The following LIPC variants were observed in gnomAD, a reference collection of about 807,000 sequenced individuals.
LIPC encodes the protein hepatic triacylglycerol lipase.
Under a neutral mutation model 50.7 loss-of-function variants are expected in LIPC, and 44 were observed. That is an observed-to-expected ratio of 0.87 (90% CI 0.68 to 1.11). LIPC has a LOEUF of 1.11. Among genes scored for constraint, LIPC ranks in the 50% most tolerant of loss-of-function variants. The pLI is 0.00. For synonymous variants in LIPC, 271 were observed against 256.4 expected (o/e 1.06, Z -0.54); for missense variants, 697 against 648.2 (o/e 1.08, Z -0.82).
At chr15:58,482,206 C>A (rs1269218191) in intron 1 of LIPC, among the ~76,000 whole-genome samples, 1 of 152,204 alleles carries the variant, frequency 6.6e-6, no homozygotes, top group African/African-American at 2.4e-5. Context: ...CTGTCCCCAG[C>A]CACCCAGTTT....
intron 1 of LIPC, among the ~76,000 whole-genome samples, chr15:58,485,430 G>A (rs888631303): frequency 6.6e-6 from 1 of 152,170 alleles, no homozygotes; most frequent in South Asian, 2.1e-4. Flanking sequence ...TGCCGGAGGG[G>A]AAGAAAGTCC....
At chr15:58,467,099 TTTTG>T (rs1293309844) in intron 1 of LIPC, among the ~76,000 whole-genome samples, 1 of 152,218 alleles carries the variant, frequency 6.6e-6, no homozygotes, top group Non-Finnish European at 1.5e-5. Context: ...TGATAGTTTC[TTTTG>T]TTTTTCATTC....
rs1047625380 is a variant in LIPC, at chr15:58,565,866, G to A, written c.1388+2143G>A. 85 of 981,992 alleles carry A rather than the reference G, an allele frequency of 8.7e-5. No individual in the cohort carries two copies. The African/African-American group carries it at 1.3e-3, about 15-fold the overall frequency. The allele number at this position is 981,992 out of a possible 1,614,324, so 60.8% of individuals were successfully genotyped here. On this transcript the variant is annotated intron_variant, in intron 8 of 8. Transcript: ENST00000299022. ...TAATTTTTTTTAGGTTGTAAATACC[G>A]AGTGCCTCCTCTGTGTCTACACAGT...
At chr15:58,456,725 C>A (rs1248057172) in intron 1 of LIPC, among the ~76,000 whole-genome samples, 2 of 152,254 alleles carry the variant, frequency 1.3e-5, no homozygotes, top group Non-Finnish European at 2.9e-5. Flanking sequence ...TTGCAAATGT[C>A]CCCCGCAACC....
intron 5 of LIPC, among the ~76,000 whole-genome samples, chr15:58,548,039 G>C (rs1893599364): frequency 6.6e-6 from 1 of 152,084 alleles, no homozygotes; most frequent in Non-Finnish European, 1.5e-5. Context: ...TTAGTGACTT[G>C]GGTGCCTATT....
chr15:58,455,513 T>A lies in LIPC; in HGVS notation c.88+23393T>A, dbSNP rs112552131. Among the ~76,000 whole-genome samples the A allele has an allele frequency of 2.0e-3, 302 of 152,328 alleles. 2 individuals carry two copies. Among genetic ancestry groups the A allele is most frequent in the African/African-American group, 6.9e-3 (286 of 41,568 alleles). ...CTAGCACAAAACATTAAGGAAATATTCTTCCAGTGCTCAAAAACAATGATT... is the reference window on the plus strand; with the variant it reads ...CTAGCACAAAACATTAAGGAAATATACTTCCAGTGCTCAAAAACAATGATT... On this transcript the variant is annotated intron_variant, in intron 1 of 8. Transcript: ENST00000299022.
At chr15:58,552,518 CG>C (rs1250004065) in intron 6 of LIPC, among the ~76,000 whole-genome samples, 1 of 152,188 alleles carries the variant, frequency 6.6e-6, no homozygotes, top group African/African-American at 2.4e-5. Context: ...CTGTCTTCCC[CG>C]TGCTGCCCTT....
intron 5 of LIPC, among the ~76,000 whole-genome samples, chr15:58,546,913 T>G (rs924284078): frequency 6.6e-6 from 1 of 152,072 alleles, no homozygotes. Flanking sequence ...TTCTGGGAAC[T>G]TGCCCTTATC....
intron 1 of LIPC, among the ~76,000 whole-genome samples, chr15:58,444,543 G>C (rs1284686749): frequency 6.6e-6 from 1 of 152,174 alleles, no homozygotes; most frequent in Non-Finnish European, 1.5e-5. Context: ...CTGAGGTCAA[G>C]GGGTCAGCAG....
chr15:58,502,572 G>C (rs1187717828), intron 1 of LIPC, among the ~76,000 whole-genome samples: 2 of 135,100 alleles, frequency 1.5e-5, no homozygotes, highest in African/African-American at 5.6e-5. Context: ...CTCTTGCTTT[G>C]AGGTCACAAA....
chr15:58,510,565 A>C (rs1052024935), intron 1 of LIPC, among the ~76,000 whole-genome samples: 23 of 152,240 alleles, frequency 1.5e-4, no homozygotes, highest in African/African-American at 7.2e-5. Flanking sequence ...ACTGGTGCAC[A>C]TGCAAGAGGA....
At chr15:58,451,691 AG>A (rs1484538531) in intron 1 of LIPC, among the ~76,000 whole-genome samples, 1 of 152,146 alleles carries the variant, frequency 6.6e-6, no homozygotes, top group Non-Finnish European at 1.5e-5. Context: ...TCCACATGGG[AG>A]GTTCGCTCCT....
At chr15:58,455,751 A>G (rs1450128648) in intron 1 of LIPC, among the ~76,000 whole-genome samples, 1 of 152,232 alleles carries the variant, frequency 6.6e-6, no homozygotes, top group Non-Finnish European at 1.5e-5. Flanking sequence ...ACAATAAAGA[A>G]TACTGTATAT....
Position 58,448,109 on chromosome 15 carries a change from A to G in LIPC, c.88+15989A>G, listed in dbSNP as rs116425353. Among the ~76,000 whole-genome samples, 609 of 152,304 alleles carry G rather than the reference A, an allele frequency of 4.0e-3. 5 individuals carry two copies. The highest frequency in any genetic ancestry group is 0.014 in the African/African-American group (597 of 41,564). ...AAGCCCTTTGCAACAAGTTCCTAAC[A>G]TGGTATCAAATACTGGGCACACTAG... On this transcript the variant is annotated intron_variant, in intron 1 of 8. Transcript: ENST00000299022.
intron 2 of LIPC, among the ~76,000 whole-genome samples, chr15:58,539,414 T>A (rs1458754963): frequency 1.3e-5 from 2 of 152,176 alleles, no homozygotes; most frequent in African/African-American, 4.8e-5. Context: ...TTAGTGATGC[T>A]AAAAATTCTA....
chr15:58,464,384 C>T (rs1353043888), intron 1 of LIPC, among the ~76,000 whole-genome samples: 2 of 152,356 alleles, frequency 1.3e-5, no homozygotes, highest in East Asian at 1.9e-4. Context: ...CAAAGCCCAA[C>T]CTGCTTTCCC....
In LIPC at chr15:58,468,683, A is replaced by C. The variant is rs150637790; in HGVS notation, c.88+36563A>C. On this transcript the variant is annotated intron_variant, in intron 1 of 8. Coordinates refer to ENST00000299022, the MANE Select transcript of LIPC (RefSeq NM_000236.3). ...GTTCTTACCCTTGGAAGCTCATTAG[A>C]ATCATCTAGGGAACTTATAACAGAA... 3.1e-3 allele frequency among the ~76,000 whole-genome samples: 477 copies of C among 152,270 alleles called. 3 individuals carry two copies. The highest frequency in any genetic ancestry group is 0.011 in the African/African-American group (441 of 41,540).
rs1341312457 is a variant in LIPC at position 58,568,758 on chromosome 15, C to A, written c.1431C>A (p.Arg477=). ...CSENTDDLLL[R]PTQEKIFVKC... is the part of the protein sequence containing the mutation. ...AAAACACAGATGACCTACTACTTCG[C>A]CCAACCCAGGAAAAAATCTTCGTGA... The change falls in exon 9 of 9, where the codon CGC becomes CGA. Residue 477 remains arginine (R), a synonymous_variant. Transcript: ENST00000299022. The A allele has an allele frequency of 6.2e-7, 1 of 1,611,924 alleles. No individual in the cohort carries two copies. The highest frequency in any genetic ancestry group is 8.5e-7 in the Non-Finnish European group (1 of 1,178,416).
At chr15:58,516,978 T>G (rs1481326632) in intron 1 of LIPC, among the ~76,000 whole-genome samples, 2 of 152,266 alleles carry the variant, frequency 1.3e-5, no homozygotes, top group African/African-American at 4.8e-5. Context: ...GGGGTGCAGT[T>G]AAATTACTTG....
Sources: allele counts gnomAD v4.1 joint callset (sites outside exome capture counted in the v4.1 genomes callset), GRCh38; gene constraint gnomAD v4.1.1; transcripts MANE v1.5; gene names NCBI Gene and HGNC (gene_info 2026-07-23, HGNC 2026-07-21).